The following PRR5 variants were observed in gnomAD, a reference collection of about 807,000 sequenced individuals.
PRR5 encodes the protein proline rich 5.
PRR5 carries 25 observed loss-of-function variants against 30.6 expected under a neutral mutation model. The observed-to-expected ratio is 0.82, with a 90% CI of 0.60 to 1.14. The LOEUF (loss-of-function observed/expected upper bound fraction) is 1.14. PRR5 is among the 50% of genes most tolerant of loss of function. The pLI, the probability that PRR5 is intolerant of heterozygous loss-of-function variation, is 0.00. For missense variants in PRR5, 600 were observed against 547.1 expected, an observed-to-expected ratio of 1.10 and a Z score of -0.96; for synonymous variants, 286 against 247.1, an observed-to-expected ratio of 1.16 and a Z score of -1.48.
chr22:44,695,126 G>A (rs946265548), intron 1 of PRR5, among the ~76,000 whole-genome samples: 1 of 152,130 alleles, frequency 6.6e-6, no homozygotes, highest in Admixed American at 6.5e-5. Flanking sequence ...AGCCAAGATC[G>A]TGCCAGTGCA....
In PRR5 at chr22:44,725,659, TTTGTTG is replaced by T. The variant is rs3053190; in HGVS notation, c.264+386_264+391del. Reference sequence around the variant, plus strand: ...CTAATTTTTGTTTTTTGTCTTTTGTTTTGTTGTTGTTGTTGTTGTTGTTGAGATGGA... The same window carrying T: ...CTAATTTTTGTTTTTTGTCTTTTGTTTTGTTGTTGTTGTTGTTGAGATGGA... On this transcript the variant is annotated intron_variant, in intron 3 of 7. Transcript: ENST00000336985. Among the ~76,000 whole-genome samples the T allele has an allele frequency of 5.4e-3, 818 of 151,364 alleles. 5 individuals are homozygous for T. Among genetic ancestry groups the T allele is most frequent in the African/African-American group, 0.017 (705 of 41,208 alleles).
chr22:44,734,929 G>A (rs1169937693), intron 6 of PRR5, 98 bp from the exon 7 acceptor site: 3 of 1,439,798 alleles, frequency 2.1e-6, no homozygotes, highest in Non-Finnish European at 2.8e-6. Flanking sequence ...GCGGGAGGCA[G>A]AGGACAGGCT....
At chr22:44,697,303 AC>A (rs1342290795), upstream of PRR5, among the ~76,000 whole-genome samples, 1 of 151,848 alleles carries the variant, frequency 6.6e-6, no homozygotes, top group East Asian at 1.9e-4. Flanking sequence ...CCGTGCGACC[AC>A]CCTGGCGGCG....
In PRR5 at chr22:44,708,966, CAAAA is replaced by C. The variant is rs60854330; in HGVS notation, c.135-5601_135-5598del. Among the ~76,000 whole-genome samples the C allele has an allele frequency of 2.8e-4, 18 of 64,430 alleles. No individual in the cohort carries two copies. The South Asian group carries it at 3.1e-3, about 11-fold the overall frequency. 42.3% of individuals were successfully genotyped at this position (64,430 alleles called of 152,430 possible). The stretch of plus-strand genomic sequence containing the variant: ...TGGGGGACAGAGTGAGACTCTGTCT[CAAAA>C]AAAAAAAAAAAAAAAAAAAAAAAGA... On this transcript the variant is annotated intron_variant, in intron 1 of 7. Transcript: ENST00000336985.
intron 1 of PRR5, among the ~76,000 whole-genome samples, chr22:44,707,531 G>A (rs935287990): frequency 6.6e-6 from 1 of 152,222 alleles, no homozygotes. Flanking sequence ...CTCCTGGCAG[G>A]GATGCATCTT....
upstream of PRR5, among the ~76,000 whole-genome samples, chr22:44,676,390 C>CAAAAAA (rs59016907): frequency 6.3e-3 from 231 of 36,950 alleles, 3 homozygotes; most frequent in Non-Finnish European, 1.0e-2. Context: ...GACCCTGTCT[C>CAAAAAA]AAAAAAAAAA....
intron 2 of PRR5, among the ~76,000 whole-genome samples, chr22:44,724,226 A>G (rs1001620206): frequency 1.3e-5 from 2 of 152,172 alleles, no homozygotes; most frequent in Admixed American, 1.3e-4. Context: ...ACTTGAGGTC[A>G]GGAGTTCGAG....
chr22:44,694,712 G>A (rs1272182377), intron 1 of PRR5, among the ~76,000 whole-genome samples: 1 of 152,124 alleles, frequency 6.6e-6, no homozygotes, highest in African/African-American at 2.4e-5. Context: ...CTAGGATGAT[G>A]GGAATAGCTG....
chr22:44,700,017 G>A (rs781369468), upstream of PRR5, among the ~76,000 whole-genome samples: 6 of 151,956 alleles, frequency 3.9e-5, no homozygotes, highest in Non-Finnish European at 8.8e-5. Context: ...CAGTGTTCCC[G>A]TAAGTTTGAG....
chr22:44,672,585 C>CTAAA (rs1923487295), upstream of PRR5, among the ~76,000 whole-genome samples: 1 of 152,072 alleles, frequency 6.6e-6, no homozygotes, highest in South Asian at 2.1e-4. Context: ...GACACCGTCT[C>CTAAA]TAAATAAATA....
In PRR5 at chr22:44,713,466, C is replaced by T. The variant is rs565709982; in HGVS notation, c.135-1125C>T. On this transcript the variant is annotated intron_variant, in intron 1 of 7. Transcript: ENST00000336985. Reference sequence around the variant, plus strand: ...CAGGCTGGTCTTGAACTCCTGACCTCAGGTGATCCACCCATCTTGGCCTCC... The same window carrying T: ...CAGGCTGGTCTTGAACTCCTGACCTTAGGTGATCCACCCATCTTGGCCTCC... Among the ~76,000 whole-genome samples the T allele has an allele frequency of 5.3e-5, 8 of 152,326 alleles. No homozygotes were observed. In the East Asian group the frequency reaches 1.5e-3, roughly 29 times the overall value.
At chr22:44,682,493 T>C (rs1280149924) in intron 1 of PRR5, among the ~76,000 whole-genome samples, 2 of 152,022 alleles carry the variant, frequency 1.3e-5, no homozygotes, top group African/African-American at 2.4e-5. Flanking sequence ...TCTGTGCCCA[T>C]AGGTGAAATG....
At chr22:44,700,529 C>T (rs1036346084), upstream of PRR5, among the ~76,000 whole-genome samples, 3 of 151,986 alleles carry the variant, frequency 2.0e-5, no homozygotes, top group Non-Finnish European at 2.9e-5. Context: ...AGGAGGCTAA[C>T]GTGGGAGGGT....
At chr22:44,717,189 CTTTTTTTTT>C (rs57193514) in intron 2 of PRR5, among the ~76,000 whole-genome samples, 2 of 116,756 alleles carry the variant, frequency 1.7e-5, no homozygotes, top group Admixed American at 2.0e-4. Context: ...CCCCCTTACC[CTTTTTTTTT>C]TTTTTTTTTT....
chr22:44,727,223 C>T lies in PRR5; in HGVS notation c.322+589C>T, dbSNP rs925168086. Among the ~76,000 whole-genome samples, 7 of 152,312 alleles carry T rather than the reference C, an allele frequency of 4.6e-5. No individual in the cohort carries two copies. In the East Asian group the frequency reaches 5.8e-4, roughly 13 times the overall value. Reference sequence around the variant, plus strand: ...GGGCACACACCCTTTGCCCTTCTCACGGCCCGGAGGTCCCCGCTGGCCTCA... The same window carrying T: ...GGGCACACACCCTTTGCCCTTCTCATGGCCCGGAGGTCCCCGCTGGCCTCA... On this transcript the variant is annotated intron_variant, in intron 4 of 7. Coordinates refer to ENST00000336985, the MANE Select transcript of PRR5 (RefSeq NM_181333.4).
intron 3 of PRR5, among the ~76,000 whole-genome samples, chr22:44,726,184 G>A (rs562946611): frequency 8.3e-4 from 126 of 152,348 alleles, no homozygotes; most frequent in African/African-American, 2.9e-3. Context: ...CAGGCAGTGC[G>A]TCCAGGGTCC....
rs9614563 is a variant in PRR5, at chr22:44,718,792, C to A, written c.215+4121C>A. ...AGGTGTTTATTGGTCATTTAGATATCTTCTTTGGAGAACTGTCTGTTCCCA... is the reference window on the plus strand; with the variant it reads ...AGGTGTTTATTGGTCATTTAGATATATTCTTTGGAGAACTGTCTGTTCCCA... On this transcript the variant is annotated intron_variant, in intron 2 of 7. Coordinates refer to ENST00000336985, the MANE Select transcript of PRR5 (RefSeq NM_181333.4). Among the ~76,000 whole-genome samples, 1,064 of 152,272 alleles carry A rather than the reference C, an allele frequency of 7.0e-3. 8 individuals are homozygous for A. The highest frequency in any genetic ancestry group is 1.0e-2 in the Non-Finnish European group (679 of 68,026).
chr22:44,690,079 A>G (rs2146965940), intron 1 of PRR5, among the ~76,000 whole-genome samples: 1 of 152,060 alleles, frequency 6.6e-6, no homozygotes, highest in African/African-American at 2.4e-5. Context: ...AGAGGAGGGA[A>G]GCGGCACCTG....
At chr22:44,719,551 TCAGC>T (rs1929617661) in intron 2 of PRR5, among the ~76,000 whole-genome samples, 1 of 152,228 alleles carries the variant, frequency 6.6e-6, no homozygotes, top group African/African-American at 2.4e-5. Context: ...CTCGTTGTGC[TCAGC>T]CGTGAGGTCC....
Sources: allele counts gnomAD v4.1 joint callset (sites outside exome capture counted in the v4.1 genomes callset), GRCh38; gene constraint gnomAD v4.1.1; transcripts MANE v1.5; gene names NCBI Gene and HGNC (gene_info 2026-07-23, HGNC 2026-07-21).